The following CRNKL1 variants were observed in gnomAD, a reference collection of about 807,000 sequenced individuals.
The protein encoded by CRNKL1 is crooked neck pre-mRNA splicing factor 1, also known as crooked neck-like protein 1.
In CRNKL1, 35 loss-of-function variants were observed where a neutral mutation model predicts 103.7. The ratio of observed to expected loss-of-function variants is 0.34; its 90% CI spans 0.26 to 0.45. The LOEUF (loss-of-function observed/expected upper bound fraction) is 0.45, where lower values mean the gene tolerates loss of function less well. Ranked by LOEUF, CRNKL1 falls within the 20% of genes least tolerant of loss-of-function variation. CRNKL1 has a pLI of 1.00. For missense variants in CRNKL1, 645 were observed against 836.0 expected, an observed-to-expected ratio of 0.77 and a Z score of 2.82; for synonymous variants, 267 against 282.6, an observed-to-expected ratio of 0.94 and a Z score of 0.55.
At chr20:20,056,004 G>C (rs2044301149), upstream of CRNKL1, 2 of 1,608,306 alleles carry the variant, frequency 1.2e-6, no homozygotes, top group South Asian at 2.2e-5. Context: ...GTTCTCCACT[G>C]TTGCCGTCAT....
At chr20:20,039,982 CTG>C in intron 10 of CRNKL1, 134 bp from the exon 11 acceptor site, 1 of 878,478 alleles carries the variant, frequency 1.1e-6, no homozygotes, top group Non-Finnish European at 1.7e-6. Flanking sequence ...TTCTTTCCCT[CTG>C]TGGTATCACA....
At chr20:20,049,509 G>T in intron 2 of CRNKL1, 78 bp from the exon 3 acceptor site, 2 of 704,770 alleles carry the variant, frequency 2.8e-6, no homozygotes, top group Non-Finnish European at 4.9e-6. Context: ...TTTAAGTCTT[G>T]TACTAAAATG....
At chr20:20,054,416 C>T (rs1207501676), upstream of CRNKL1, among the ~76,000 whole-genome samples, 3 of 143,924 alleles carry the variant, frequency 2.1e-5, no homozygotes, top group African/African-American at 8.0e-5. Context: ...TATATATATA[C>T]ACACACACAT....
At position 20,052,417 on chromosome 20, in the gene CRNKL1, C is replaced by T. The variant is rs762926211; in HGVS notation, c.-75G>A. On this transcript the variant is annotated 5_prime_UTR_variant, in exon 1 of 14. Coordinates refer to ENST00000536226, the MANE Select transcript of CRNKL1 (RefSeq NM_001278628.2). ...AATCGGCTCTGAGAGCTCACCGAAA[C>T]CACAAAGCTTTCAGAAAACAAACAG... is the stretch of plus-strand genomic sequence containing the variant. The T allele has an allele frequency of 8.7e-6, 14 of 1,614,100 alleles. No individual in the cohort carries two copies. In the Middle Eastern group the frequency reaches 6.6e-4, roughly 76 times the overall value.
intron 10 of CRNKL1, among the ~76,000 whole-genome samples, 173 bp downstream of exon 10, chr20:20,040,513 A>G (rs1017544635): frequency 1.3e-5 from 2 of 152,212 alleles, no homozygotes; most frequent in Non-Finnish European, 2.9e-5. Flanking sequence ...TAATTTACGC[A>G]TTATTAGTCA....
intron 8 of CRNKL1, 125 bp downstream of exon 8, chr20:20,042,200 G>A (rs1318134235): frequency 1.2e-6 from 1 of 822,114 alleles, no homozygotes; most frequent in South Asian, 2.3e-5. Context: ...TGGATGAACA[G>A]AAGCCTATAA....
At position 20,035,579 on chromosome 20, in the gene CRNKL1, T is replaced by C. The variant is rs2146477676; in HGVS notation, c.*616A>G. On this transcript the variant is annotated 3_prime_UTR_variant, in exon 14 of 14. Coordinates refer to ENST00000536226, the MANE Select transcript of CRNKL1 (RefSeq NM_001278628.2). ...GTGTTGTTCTAAAAAACAATATAAC[T>C]GGACACTAGTAAGAAAGTAAGGTAA... 1 of 152,340 alleles carries C rather than the reference T, an allele frequency of 6.6e-6. No homozygotes were observed. The highest frequency in any genetic ancestry group is 2.1e-4 in the South Asian group (1 of 4,830). 9.4% of individuals were successfully genotyped at this position (152,340 alleles called of 1,614,324 possible). A position where few individuals can be genotyped will look rare whatever the true frequency, so the allele number is the denominator to read the frequency against.
At chr20:20,039,981 T>G (rs2043486373) in intron 10 of CRNKL1, 133 bp from the exon 11 acceptor site, 6 of 877,622 alleles carry the variant, frequency 6.8e-6, no homozygotes, top group Admixed American at 2.6e-5. Context: ...ATTCTTTCCC[T>G]CTGTGGTATC....
upstream of CRNKL1, among the ~76,000 whole-genome samples, chr20:20,054,034 T>TTC: frequency 6.7e-6 from 1 of 148,326 alleles, no homozygotes; most frequent in Non-Finnish European, 1.5e-5. Flanking sequence ...TTTTTTTTTT[T>TTC]AGGAAAAATG....
intron 5 of CRNKL1, 70 bp downstream of exon 5, chr20:20,047,695 A>G: frequency 6.8e-7 from 1 of 1,475,648 alleles, no homozygotes; most frequent in Non-Finnish European, 9.3e-7. Flanking sequence ...TGATCATGAG[A>G]CATCTCTACA....
At position 20,043,642 on chromosome 20, in the gene CRNKL1, A is replaced by C; in HGVS notation, c.822T>G (p.Ile274Met). The C allele has an allele frequency of 6.2e-7, 1 of 1,613,938 alleles. No homozygotes were observed. Among genetic ancestry groups the C allele is most frequent in the South Asian group, 1.1e-5 (1 of 91,072 alleles). The change falls in exon 7 of 14, where the codon ATT becomes ATG. Residue 274 changes from isoleucine (I) to methionine (M), a missense_variant. By Grantham distance (10) the Ile-to-Met change is conservative (BLOSUM62 1). This residue lies in a region of CRNKL1 where 582 missense variants were observed against 707.7 expected (regional missense o/e 0.82). Coordinates refer to ENST00000536226, the MANE Select transcript of CRNKL1 (RefSeq NM_001278628.2). ...AAATTCTGTCCAGGGCATACTTGTA[A>C]ATCACTCGTACCCTTTCAAACTAAA... ...NQKEFERVRV[I>M]YKYALDRISK...
intron 11 of CRNKL1, among the ~76,000 whole-genome samples, chr20:20,039,380 GTTCATCCTGGGC>G (rs1326429907): frequency 6.6e-6 from 1 of 152,092 alleles, no homozygotes; most frequent in Non-Finnish European, 1.5e-5. Context: ...TGATATCCCA[GTTCATCCTGGGC>G]ATCATCCTGG....
At chr20:20,053,624 T>C (rs765159032), upstream of CRNKL1, among the ~76,000 whole-genome samples, 1 of 152,234 alleles carries the variant, frequency 6.6e-6, no homozygotes, top group Non-Finnish European at 1.5e-5. Flanking sequence ...AATGCAGATA[T>C]TACTTTCAAC....
upstream of CRNKL1, among the ~76,000 whole-genome samples, chr20:20,054,129 T>C (rs1277593276): frequency 1.3e-5 from 2 of 151,890 alleles, no homozygotes; most frequent in African/African-American, 4.8e-5. Context: ...TTTAATCTTG[T>C]ATTCCACTTC....
At position 20,046,806 on chromosome 20, in the gene CRNKL1, C is replaced by T. The variant is rs528472975; in HGVS notation, c.622+959G>A. Among the ~76,000 whole-genome samples, 38 of 152,318 alleles carry T rather than the reference C, an allele frequency of 2.5e-4. No individual in the cohort carries two copies. In the South Asian group the frequency reaches 7.9e-3, roughly 32 times the overall value. Reference sequence around the variant, plus strand: ...GTTATATGAGGTTAAGACCAGAAGGCAAGCCTCACCTTGTTGGACTTCATG... The same window carrying T: ...GTTATATGAGGTTAAGACCAGAAGGTAAGCCTCACCTTGTTGGACTTCATG... On this transcript the variant is annotated intron_variant, in intron 5 of 13. Coordinates refer to ENST00000536226, the MANE Select transcript of CRNKL1 (RefSeq NM_001278628.2).
chr20:20,045,622 C>A, intron 5 of CRNKL1, 136 bp from the exon 6 acceptor site: 2 of 718,844 alleles, frequency 2.8e-6, no homozygotes, highest in South Asian at 2.1e-5. Context: ...AAAACACATA[C>A]AAAAGTGTAG....
At chr20:20,041,862 C>T (rs2043519477) in intron 8 of CRNKL1, among the ~76,000 whole-genome samples, 1 of 152,158 alleles carries the variant, frequency 6.6e-6, no homozygotes, top group Non-Finnish European at 1.5e-5. Context: ...TGTAGAAAGC[C>T]GTTTTGCCTG....
In CRNKL1 at chr20:20,039,706, A is replaced by G. The variant is rs2043481270; in HGVS notation, c.1448T>C (p.Ile483Thr). The G allele has an allele frequency of 6.2e-7, 1 of 1,614,092 alleles. No individual in the cohort carries two copies. Among genetic ancestry groups the G allele is most frequent in the Non-Finnish European group, 8.5e-7 (1 of 1,180,052 alleles). Reference protein sequence around the residue: ...EFGPENCTSWIKFAELETILG... With the variant: ...EFGPENCTSWTKFAELETILG... ...GATTGTCTCTAATTCAGCGAATTTA[A>G]TCCATGAGGTACAATTTTCAGGTCC... Residue 483 changes from isoleucine (I) to threonine (T), a missense_variant, in exon 11 of 14, where the codon ATT (isoleucine) becomes ACT (threonine). Coordinates refer to ENST00000536226, the MANE Select transcript of CRNKL1 (RefSeq NM_001278628.2).
rs532846228 is a variant in CRNKL1 at position 20,042,325 on chromosome 20, C to A, written c.1164G>T (p.Lys388Asn). 6.3e-7 allele frequency: 1 copy of A among 1,581,172 alleles called. No individual in the cohort carries two copies. The highest frequency in any genetic ancestry group is 8.6e-7 in the Non-Finnish European group (1 of 1,164,672). Reference sequence around the variant, plus strand: ...CTGACACATAATTCTGTTTTTTCACCTTTGCCTCCAATTCTTCATAGAGTG... The same window carrying A: ...CTGACACATAATTCTGTTTTTTCACATTTGCCTCCAATTCTTCATAGAGTG... Reference protein sequence around the residue: ...NYALYEELEAKDPERTRQVYQ... With the variant: ...NYALYEELEANDPERTRQVYQ... The change falls in exon 8 of 14, where the codon AAG becomes AAT. Residue 388 changes from lysine to asparagine, a missense_variant and splice_region_variant. Physicochemically the swap from Lys to Asn is moderately conservative, Grantham distance 94. Transcript: ENST00000536226.
Sources: gnomAD v4.1 joint callset for allele counts (sites outside exome capture counted in the v4.1 genomes callset) on GRCh38, gnomAD v4.1.1 for gene constraint, gnomAD v4.1.1 regional missense constraint, MANE v1.5 for transcripts, NCBI Gene and HGNC (gene_info 2026-07-23, HGNC 2026-07-21) for gene names.